Variants in CWC27 observed in about 807,000 individuals in gnomAD.
The protein encoded by CWC27 is CWC27 spliceosome associated cyclophilin.
In CWC27, 47 loss-of-function variants were observed where a neutral mutation model predicts 63.6. The observed-to-expected ratio is 0.74, with a 90% CI of 0.58 to 0.94. CWC27 has a LOEUF of 0.94. Ranked by LOEUF, CWC27 falls within the 40% of genes least tolerant of loss-of-function variation. CWC27 has a pLI of 0.00. For missense variants in CWC27, 495 were observed against 554.3 expected (o/e 0.89, Z 1.07); for synonymous variants, 175 against 179.8 (o/e 0.97, Z 0.22).
intron 10 of CWC27, among the ~76,000 whole-genome samples, chr5:64,826,589 T>G (rs1174550975): frequency 6.6e-6 from 1 of 152,168 alleles, no homozygotes; most frequent in Non-Finnish European, 1.5e-5. Flanking sequence ...TCAGTTTTTT[T>G]GACAGGATTG....
chr5:64,917,228 A>T (rs1561155822), intron 11 of CWC27, among the ~76,000 whole-genome samples: 2 of 152,148 alleles, frequency 1.3e-5, no homozygotes, highest in South Asian at 4.1e-4. Context: ...ACGTGTTCTT[A>T]TCCAAGGTGC....
rs145782526 is a variant in CWC27 at position 64,920,465 on chromosome 5, A to G, written c.1042+34919A>G. On this transcript the variant is annotated intron_variant, in intron 11 of 13. Coordinates refer to ENST00000381070, the MANE Select transcript of CWC27 (RefSeq NM_005869.4). ...CATTGTGTCTCTGCTAGGCTTTGGT[A>G]TCCGAATGATGCTGGCTTCATAGAA... 9.3e-3 allele frequency among the ~76,000 whole-genome samples: 1,411 copies of G among 152,146 alleles called. 17 individuals are homozygous for G. Among genetic ancestry groups the G allele is most frequent in the African/African-American group, 0.033 (1,354 of 41,496 alleles).
intron 10 of CWC27, among the ~76,000 whole-genome samples, chr5:64,816,494 A>C (rs1045566975): frequency 6.6e-6 from 1 of 152,122 alleles, no homozygotes; most frequent in African/African-American, 2.4e-5. Flanking sequence ...TAAAGGAAGG[A>C]AGAAAGAAGC....
At chr5:64,973,597 A>C (rs1273613015) in intron 12 of CWC27, among the ~76,000 whole-genome samples, 2 of 152,202 alleles carry the variant, frequency 1.3e-5, no homozygotes, top group African/African-American at 4.8e-5. Context: ...ACACTATAAC[A>C]AATGTGTCCC....
At chr5:64,899,757 A>G (rs780196711) in intron 11 of CWC27, among the ~76,000 whole-genome samples, 3 of 152,196 alleles carry the variant, frequency 2.0e-5, no homozygotes, top group Non-Finnish European at 2.9e-5. Context: ...ACCTGTGAAA[A>G]CATCACCACA....
intron 13 of CWC27, among the ~76,000 whole-genome samples, chr5:64,981,013 A>C (rs1379246680): frequency 6.6e-6 from 1 of 151,976 alleles, no homozygotes; most frequent in African/African-American, 2.4e-5. Context: ...AATCGCTTGA[A>C]CCTGAAAGGT....
At chr5:64,956,768 C>G (rs1163130405) in intron 11 of CWC27, among the ~76,000 whole-genome samples, 2 of 152,250 alleles carry the variant, frequency 1.3e-5, no homozygotes, top group East Asian at 3.9e-4. Context: ...AGTCTGACAG[C>G]CTTGGATTCA....
At chr5:64,984,801 A>G (rs184910947) in intron 13 of CWC27, among the ~76,000 whole-genome samples, 35 of 152,274 alleles carry the variant, frequency 2.3e-4, no homozygotes, top group African/African-American at 8.2e-4. Flanking sequence ...GATTAAGTCC[A>G]GTTGATTGAT....
Position 64,819,485 on chromosome 5 carries a change from T to A in CWC27, c.938+15099T>A, listed in dbSNP as rs552413882. On this transcript the variant is annotated intron_variant, in intron 10 of 13. Coordinates refer to ENST00000381070, the MANE Select transcript of CWC27 (RefSeq NM_005869.4). ...GAGGGACCCAGTGGGAGGTAATTAA[T>A]CATGAGGCTGGGTCTTTCCTCGTGC... 2.6e-5 allele frequency among the ~76,000 whole-genome samples: 4 copies of A among 152,150 alleles called. No homozygotes were observed. The South Asian group carries it at 8.3e-4, about 32-fold the overall frequency.
intron 7 of CWC27, among the ~76,000 whole-genome samples, chr5:64,798,503 T>C (rs1306082618): frequency 6.6e-6 from 1 of 152,224 alleles, no homozygotes; most frequent in Non-Finnish European, 1.5e-5. Context: ...TAAGTAAGTT[T>C]ATGAAATTAG....
At chr5:64,843,880 A>G (rs1174376739) in intron 10 of CWC27, among the ~76,000 whole-genome samples, 2 of 152,086 alleles carry the variant, frequency 1.3e-5, no homozygotes, top group East Asian at 3.8e-4. Context: ...CAGAAGAGGA[A>G]GTCTCAAGCT....
At chr5:64,958,965 C>T (rs540506107) in intron 11 of CWC27, among the ~76,000 whole-genome samples, 12 of 152,048 alleles carry the variant, frequency 7.9e-5, no homozygotes, top group Non-Finnish European at 1.6e-4. Context: ...TTTCATGAAC[C>T]TTTAGGAGGC....
At chr5:64,910,267 AACAGCAAATATTGCAGC>A (rs1747756646) in intron 11 of CWC27, among the ~76,000 whole-genome samples, 1 of 152,338 alleles carries the variant, frequency 6.6e-6, no homozygotes, top group Middle Eastern at 3.4e-3. Flanking sequence ...GAGGCTGCAG[AACAGCAAATATTGCAGC>A]ACAGCAAATA....
chr5:64,930,378 A>G (rs1206412583), intron 11 of CWC27, among the ~76,000 whole-genome samples: 2 of 152,096 alleles, frequency 1.3e-5, no homozygotes, highest in Non-Finnish European at 2.9e-5. Flanking sequence ...GGTGAGTTTC[A>G]TGTTACGTGA....
At chr5:64,892,547 C>G (rs930146303) in intron 11 of CWC27, among the ~76,000 whole-genome samples, 1 of 152,062 alleles carries the variant, frequency 6.6e-6, no homozygotes, top group Non-Finnish European at 1.5e-5. Context: ...GCTATAAACA[C>G]ACGTGTTTTT....
Position 64,788,936 on chromosome 5 carries a change from T to A in CWC27, c.600-15T>A. 1 of 1,491,110 alleles carries A rather than the reference T, an allele frequency of 6.7e-7. No individual in the cohort carries two copies. The highest frequency in any genetic ancestry group is 9.1e-7 in the Non-Finnish European group (1 of 1,095,362). The allele number at this position is 1,491,110 out of a possible 1,614,324, so 92.4% of individuals were successfully genotyped here. ...TTCTCTTTCTTTTTTTTTTTCTTTC[T>A]TTTTTTTGGACTAGAAATTTTAGTT... On this transcript the variant is annotated splice_polypyrimidine_tract_variant and intron_variant, in intron 6 of 13. Transcript: ENST00000381070.
At chr5:64,884,844 CAT>C in intron 10 of CWC27, among the ~76,000 whole-genome samples, 1 of 152,258 alleles carries the variant, frequency 6.6e-6, no homozygotes, top group East Asian at 1.9e-4. Flanking sequence ...GTCTTTAACA[CAT>C]GATTATATTA....
chr5:64,770,546 C>G (rs1004820484), intron 1 of CWC27, among the ~76,000 whole-genome samples: 1 of 152,180 alleles, frequency 6.6e-6, no homozygotes, highest in East Asian at 1.9e-4. Flanking sequence ...TGCCTTGCAT[C>G]CCAGCAGTCT....
intron 13 of CWC27, among the ~76,000 whole-genome samples, chr5:64,989,699 G>T: frequency 6.6e-6 from 1 of 152,198 alleles, no homozygotes; most frequent in East Asian, 1.9e-4. Flanking sequence ...TTGTGCTCTT[G>T]TGGGTGCTGT....
Sources: allele counts gnomAD v4.1 joint callset (sites outside exome capture counted in the v4.1 genomes callset), GRCh38; gene constraint gnomAD v4.1.1; transcripts MANE v1.5; gene names NCBI Gene and HGNC (gene_info 2026-07-23, HGNC 2026-07-21).